FBXL7: variants seen among roughly 807,000 people sequenced by gnomAD.
The protein encoded by FBXL7 is F-box/LRR-repeat protein 7.
In FBXL7, 12 loss-of-function variants were observed where a neutral mutation model predicts 38.3. That is an observed-to-expected ratio of 0.31 (90% CI 0.20 to 0.51). The LOEUF is 0.51. Among genes scored for constraint, FBXL7 ranks in the 20% least tolerant of loss-of-function variants. The pLI is 0.98. For synonymous variants in FBXL7, 297 were observed against 300.9 expected (o/e 0.99, Z 0.13); for missense variants, 567 against 676.4 (o/e 0.84, Z 1.79).
chr5:15,914,833 C>T (rs560026891), intron 2 of FBXL7, among the ~76,000 whole-genome samples: 1 of 152,310 alleles, frequency 6.6e-6, no homozygotes, highest in South Asian at 2.1e-4. Context: ...AGACTCTGGA[C>T]TGACTCAGAG....
chr5:15,905,244 T>C (rs1218942790), intron 2 of FBXL7, among the ~76,000 whole-genome samples: 3 of 152,234 alleles, frequency 2.0e-5, no homozygotes, highest in Admixed American at 2.0e-4. Flanking sequence ...TAAAATTAAT[T>C]CTAAGACAAT....
chr5:15,806,980 C>T (rs1477087941), intron 2 of FBXL7, among the ~76,000 whole-genome samples: 3 of 151,844 alleles, frequency 2.0e-5, no homozygotes, highest in Admixed American at 6.6e-5. Flanking sequence ...GACGGAGTTT[C>T]GCTCTTGTTG....
intron 2 of FBXL7, among the ~76,000 whole-genome samples, chr5:15,742,528 G>A (rs527431248): frequency 3.3e-5 from 5 of 152,252 alleles, no homozygotes; most frequent in South Asian, 2.1e-4. Context: ...AGCAATGAGC[G>A]AGCAAGGCTA....
chr5:15,720,054 C>A (rs1170334364), intron 2 of FBXL7, among the ~76,000 whole-genome samples: 2 of 149,110 alleles, frequency 1.3e-5, no homozygotes, highest in Non-Finnish European at 3.0e-5. Flanking sequence ...CGAAGTCATT[C>A]AAAGGAATGG....
intron 1 of FBXL7, among the ~76,000 whole-genome samples, chr5:15,562,486 G>A (rs918102764): frequency 6.6e-6 from 1 of 152,032 alleles, no homozygotes; most frequent in African/African-American, 2.4e-5. Flanking sequence ...CAGAAAAATG[G>A]CCAACAGGTA....
intron 2 of FBXL7, among the ~76,000 whole-genome samples, chr5:15,874,930 A>T (rs1445108829): frequency 6.6e-6 from 1 of 152,232 alleles, no homozygotes; most frequent in Non-Finnish European, 1.5e-5. Context: ...TTTCATATGG[A>T]ATGAAAAAAG....
chr5:15,597,129 T>G (rs1739646924), intron 1 of FBXL7, among the ~76,000 whole-genome samples: 1 of 152,078 alleles, frequency 6.6e-6, no homozygotes, highest in Non-Finnish European at 1.5e-5. Flanking sequence ...GACACTATCT[T>G]TAGGTAGATA....
At chr5:15,680,149 T>C (rs1024927884) in intron 2 of FBXL7, among the ~76,000 whole-genome samples, 4 of 152,196 alleles carry the variant, frequency 2.6e-5, no homozygotes, top group Non-Finnish European at 4.4e-5. Context: ...GCAAGGATGT[T>C]GCTACCTTAC....
chr5:15,902,086 A>G (rs1253990529), intron 2 of FBXL7, among the ~76,000 whole-genome samples: 1 of 152,170 alleles, frequency 6.6e-6, no homozygotes, highest in African/African-American at 2.4e-5. Context: ...GGTTCCATGC[A>G]GCTGCCTCCC....
rs192374041 is a variant in FBXL7, at chr5:15,695,613, C to T, written c.127+79541C>T. 3.2e-3 allele frequency among the ~76,000 whole-genome samples: 490 copies of T among 152,234 alleles called. 4 individuals are homozygous for T. The highest frequency in any genetic ancestry group is 0.011 in the African/African-American group (461 of 41,534). ...TTTCTTAGTGATTAGTCACAACAGC[C>T]GTGATCTATGGATTTCTCCCTGTGT... On this transcript the variant is annotated intron_variant, in intron 2 of 3. Coordinates refer to ENST00000504595, the MANE Select transcript of FBXL7 (RefSeq NM_012304.5).
chr5:15,827,285 T>A (rs1738342735), intron 2 of FBXL7, among the ~76,000 whole-genome samples: 1 of 152,184 alleles, frequency 6.6e-6, no homozygotes, highest in Non-Finnish European at 1.5e-5. Flanking sequence ...GCCTTAGGTA[T>A]CTTTGGTTTT....
rs567999939 is a variant in FBXL7 at position 15,827,258 on chromosome 5, G to T, written c.128-100632G>T. Among the ~76,000 whole-genome samples, 70 of 151,190 alleles carry T rather than the reference G, an allele frequency of 4.6e-4. No homozygotes were observed. The South Asian group carries it at 0.013, about 29-fold the overall frequency. The stretch of plus-strand genomic sequence containing the variant: ...TTGTCTGTTTTGTTTTTTTGGTTTG[G>T]TTTTTTTTCGATCTCTGCCTTAGGT... On this transcript the variant is annotated intron_variant, in intron 2 of 3. Transcript: ENST00000504595.
intron 2 of FBXL7, among the ~76,000 whole-genome samples, chr5:15,800,952 T>A (rs1262289757): frequency 6.6e-6 from 1 of 152,048 alleles, no homozygotes; most frequent in Non-Finnish European, 1.5e-5. Context: ...ACATAACCAA[T>A]AGGGTTCATG....
chr5:15,698,580 A>G (rs1561090341), intron 2 of FBXL7, among the ~76,000 whole-genome samples: 2 of 152,342 alleles, frequency 1.3e-5, no homozygotes, highest in African/African-American at 2.4e-5. Context: ...AACAGTGATG[A>G]TAGATACTAG....
intron 1 of FBXL7, among the ~76,000 whole-genome samples, chr5:15,587,441 A>C (rs1739337795): frequency 6.6e-6 from 1 of 152,186 alleles, no homozygotes; most frequent in African/African-American, 2.4e-5. Context: ...TTCTCCAGGC[A>C]CCAGGCAGGA....
chr5:15,930,579 C>A (rs780379899), intron 3 of FBXL7, among the ~76,000 whole-genome samples: 7 of 152,160 alleles, frequency 4.6e-5, no homozygotes, highest in Non-Finnish European at 8.8e-5. Flanking sequence ...AGTGGTCCTG[C>A]CTGGCCCCTT....
chr5:15,865,163 C>T lies in FBXL7; in HGVS notation c.128-62727C>T, dbSNP rs988283114. 2.6e-5 allele frequency among the ~76,000 whole-genome samples: 4 copies of T among 152,166 alleles called. 1 individual carries two copies. Among genetic ancestry groups the T allele is most frequent in the African/African-American group, 9.7e-5 (4 of 41,446 alleles). ...TGGCTCCAAACATCCATTCCAGCCC[C>T]CAAAAGGTCTCTGATGGGTAAGTAA... On this transcript the variant is annotated intron_variant, in intron 2 of 3. Transcript: ENST00000504595.
chr5:15,580,374 G>A (rs1243763054), intron 1 of FBXL7, among the ~76,000 whole-genome samples: 1 of 152,174 alleles, frequency 6.6e-6, no homozygotes, highest in African/African-American at 2.4e-5. Flanking sequence ...AGTTAGAAGT[G>A]AGTGAGGAGG....
chr5:15,677,082 C>T (rs181931627), intron 2 of FBXL7, among the ~76,000 whole-genome samples: 37 of 152,304 alleles, frequency 2.4e-4, no homozygotes, highest in Admixed American at 7.8e-4. Flanking sequence ...TTCTTATTAT[C>T]ATCAATAGCA....
Sources: gnomAD v4.1 joint callset for allele counts (sites outside exome capture counted in the v4.1 genomes callset) on GRCh38, gnomAD v4.1.1 for gene constraint, MANE v1.5 for transcripts, NCBI Gene and HGNC (gene_info 2026-07-23, HGNC 2026-07-21) for gene names.